NUP188: variants seen among roughly 807,000 people sequenced by gnomAD.
NUP188 encodes the protein nucleoporin NUP188.
Under a neutral mutation model 223.0 loss-of-function variants are expected in NUP188, and 97 were observed. The ratio of observed to expected loss-of-function variants is 0.43; its 90% CI spans 0.37 to 0.51. The LOEUF is 0.51. NUP188 is among the 20% of genes least tolerant of loss of function. The pLI, the probability that NUP188 is intolerant of heterozygous loss-of-function variation, is 0.00. For synonymous variants in NUP188, 869 were observed against 828.0 expected (o/e 1.05, Z -0.85); for missense variants, 1,947 against 2,175.6 (o/e 0.89, Z 2.09).
chr9:128,962,317 C>T (rs1288678817), intron 8 of NUP188, among the ~76,000 whole-genome samples: 1 of 149,134 alleles, frequency 6.7e-6, no homozygotes, highest in Non-Finnish European at 1.5e-5. Flanking sequence ...GGCACGATCT[C>T]GGCTCTCTGC....
chr9:129,004,290 A>G lies in NUP188; in HGVS notation c.4434+836A>G, dbSNP rs541277884. 3.0e-3 allele frequency among the ~76,000 whole-genome samples: 462 copies of G among 151,778 alleles called. 1 individual carries two copies. The highest frequency in any genetic ancestry group is 0.011 in the African/African-American group (451 of 41,432). On this transcript the variant is annotated intron_variant, in intron 38 of 43. Coordinates refer to ENST00000372577, the MANE Select transcript of NUP188 (RefSeq NM_015354.3). ...AAGTGAGACTCCGTCTCAAAAAAAA[A>G]AAAAAAAAACTAAACTAAACAAAAC...
intron 10 of NUP188, among the ~76,000 whole-genome samples, chr9:128,970,218 G>A (rs954503803): frequency 1.3e-5 from 2 of 152,180 alleles, no homozygotes; most frequent in African/African-American, 2.4e-5. Flanking sequence ...TTGAGCCACC[G>A]TGCCCGGCCT....
chr9:128,962,451 G>A (rs1484403608), intron 8 of NUP188, among the ~76,000 whole-genome samples: 6 of 151,870 alleles, frequency 4.0e-5, no homozygotes, highest in South Asian at 2.1e-4. Flanking sequence ...GGGTTTCACC[G>A]TGTTAGCCAG....
intron 11 of NUP188, among the ~76,000 whole-genome samples, chr9:128,972,676 G>T (rs547135915): frequency 6.6e-6 from 1 of 152,216 alleles, no homozygotes; most frequent in Non-Finnish European, 1.5e-5. Context: ...TGCTATTTAT[G>T]TGTGGAGGCA....
Position 129,001,592 on chromosome 9 carries a change from T to C in NUP188, c.3907T>C (p.Trp1303Arg). 6 of 1,614,070 alleles carry C rather than the reference T, an allele frequency of 3.7e-6. No homozygotes were observed. Among genetic ancestry groups the C allele is most frequent in the Non-Finnish European group, 5.1e-6 (6 of 1,180,002 alleles). The change falls in exon 35 of 44, where the codon TGG becomes CGG. Residue 1303 changes from tryptophan (W) to arginine (R), a missense_variant. Around this residue, in one of 3 missense-constraint regions of NUP188, gnomAD observed 905 missense variants for 990.6 expected, o/e 0.91. Transcript: ENST00000372577. The stretch of plus-strand genomic sequence containing the variant: ...TGAGGTAGACGAGGATGGTGACTCC[T>C]GGCTGCAGGTAACCCGCAGGCTCCC... Reference protein sequence around the residue: ...LCEVDEDGDSWLQVTRRLPIL... With the variant: ...LCEVDEDGDSRLQVTRRLPIL...
At position 128,959,192 on chromosome 9, in the gene NUP188, G is replaced by A. The variant is rs1841911151; in HGVS notation, c.585+58G>A. 8 of 1,403,096 alleles carry A rather than the reference G, an allele frequency of 5.7e-6. No homozygotes were observed. The South Asian group carries it at 1.2e-4, about 21-fold the overall frequency. 86.9% of individuals were successfully genotyped at this position (1,403,096 alleles called of 1,614,324 possible). On this transcript the variant is annotated intron_variant, in intron 8 of 43. Coordinates refer to ENST00000372577, the MANE Select transcript of NUP188 (RefSeq NM_015354.3). Reference sequence around the variant, plus strand: ...TTTTTTTAAGATGGAGTTTCCCTCTGTCACCCAGGCTGGAGTGCAGTGGCA... The same window carrying A: ...TTTTTTTAAGATGGAGTTTCCCTCTATCACCCAGGCTGGAGTGCAGTGGCA...
In NUP188 at chr9:128,969,491, G is replaced by A. The variant is rs1169808226; in HGVS notation, c.889G>A (p.Ala297Thr). ...TGACAGAAGAGAACTGCATCAGTTTGCGCAGGATGGGCTTATTTGTCAGGT... is the reference window on the plus strand; with the variant it reads ...TGACAGAAGAGAACTGCATCAGTTTACGCAGGATGGGCTTATTTGTCAGGT... ...LDDRRELHQF[A>T]QDGLICQDMD... The change falls in exon 10 of 44, where the codon GCG (alanine) becomes ACG (threonine). Residue 297 changes from alanine (A) to threonine (T), a missense_variant. Physicochemically the swap from Ala to Thr is moderately conservative, Grantham distance 58 (BLOSUM62 0). Around this residue, in one of 3 missense-constraint regions of NUP188, gnomAD observed 817 missense variants for 865.8 expected, o/e 0.94. Coordinates refer to ENST00000372577, the MANE Select transcript of NUP188 (RefSeq NM_015354.3). 1 of 1,579,982 alleles carries A rather than the reference G, an allele frequency of 6.3e-7. No homozygotes were observed. The highest frequency in any genetic ancestry group is 8.6e-7 in the Non-Finnish European group (1 of 1,167,052).
chr9:129,000,480 G>A (rs150945737), intron 34 of NUP188, among the ~76,000 whole-genome samples: 152 of 151,892 alleles, frequency 1.0e-3, no homozygotes, highest in Non-Finnish European at 1.8e-3. Flanking sequence ...CACCACGCCC[G>A]GCTAACTTTT....
intron 19 of NUP188, among the ~76,000 whole-genome samples, chr9:128,983,845 G>C (rs1842291737): frequency 6.6e-6 from 1 of 151,736 alleles, no homozygotes; most frequent in Non-Finnish European, 1.5e-5. Context: ...TTTTGAGATG[G>C]AGTTTCGCTC....
chr9:128,997,365 C>G (rs1419072703), intron 30 of NUP188, among the ~76,000 whole-genome samples: 1 of 152,280 alleles, frequency 6.6e-6, no homozygotes, highest in East Asian at 1.9e-4. Flanking sequence ...GTTTCCCGGG[C>G]ACTGGGAAGC....
At chr9:128,980,795 T>A in intron 14 of NUP188, 70 bp downstream of exon 14, 1 of 1,548,464 alleles carries the variant, frequency 6.5e-7, no homozygotes, top group Non-Finnish European at 8.8e-7. Context: ...GGAATCTTTT[T>A]TGCTTTCCAC....
chr9:128,991,353 G>A (rs1250186400), intron 25 of NUP188, among the ~76,000 whole-genome samples: 1 of 151,784 alleles, frequency 6.6e-6, no homozygotes, highest in Non-Finnish European at 1.5e-5. Context: ...GCGTGGCCAA[G>A]ATGGTGAAAC....
At chr9:128,993,755 C>A in intron 27 of NUP188, 61 bp downstream of exon 27, 1 of 1,466,568 alleles carries the variant, frequency 6.8e-7, no homozygotes, top group Non-Finnish European at 9.4e-7. Context: ...GTAATAATAG[C>A]TCTTATCCCA....
At chr9:128,962,578 C>G (rs568228579) in intron 8 of NUP188, among the ~76,000 whole-genome samples, 1 of 152,074 alleles carries the variant, frequency 6.6e-6, no homozygotes, top group Admixed American at 6.6e-5. Context: ...AAAACTTACA[C>G]CGGGATGGGC....
At position 128,947,756 on chromosome 9, in the gene NUP188, G is replaced by A. The variant is rs1363270753; in HGVS notation, c.32+5G>A. ...CGCCGGCGGGCCGTGTGTGAGGTGC[G>A]GAGCGGGTCGAATGGACCGGGGTGG... On this transcript the variant is annotated splice_donor_5th_base_variant and intron_variant, in intron 1 of 43. Transcript: ENST00000372577. 4.1e-6 allele frequency: 6 copies of A among 1,459,688 alleles called. No homozygotes were observed. In the East Asian group the frequency reaches 1.3e-4, roughly 33 times the overall value. The allele number at this position is 1,459,688 out of a possible 1,614,324, so 90.4% of individuals were successfully genotyped here.
rs1436931410 is a variant in NUP188, at chr9:129,002,908, C to G, written c.4229C>G (p.Thr1410Ser). Residue 1410 changes from threonine to serine, a missense_variant, in exon 37 of 44, where the codon ACT becomes AGT. By Grantham distance (58) the Thr-to-Ser change is moderately conservative. Around this residue, in one of 3 missense-constraint regions of NUP188, gnomAD observed 905 missense variants for 990.6 expected, o/e 0.91. Transcript: ENST00000372577. ...TCCCTGATGGAGCAGCTGCTCAAAA[C>G]TCTGCGCTACAACTTCCTGCCTGAG... is the stretch of plus-strand genomic sequence containing the variant. ...SMSLMEQLLKTLRYNFLPEAL... is the reference protein window; with the variant it reads ...SMSLMEQLLKSLRYNFLPEAL... The G allele has an allele frequency of 6.2e-7, 1 of 1,614,232 alleles. No individual in the cohort carries two copies. The highest frequency in any genetic ancestry group is 1.1e-5 in the South Asian group (1 of 91,086).
chr9:128,981,142 C>G, intron 14 of NUP188, 122 bp from the exon 15 acceptor site: 1 of 1,229,534 alleles, frequency 8.1e-7, no homozygotes, highest in Non-Finnish European at 1.1e-6. Flanking sequence ...AAGGCAGTTC[C>G]AAGAACAGTC....
chr9:128,992,678 C>T (rs547935044), intron 25 of NUP188, among the ~76,000 whole-genome samples: 15 of 152,156 alleles, frequency 9.9e-5, no homozygotes, highest in Non-Finnish European at 1.9e-4. Flanking sequence ...TGGATGCATC[C>T]TGATTTATTT....
At chr9:128,951,201 G>A (rs1031199468) in intron 2 of NUP188, among the ~76,000 whole-genome samples, 3 of 151,908 alleles carry the variant, frequency 2.0e-5, no homozygotes, top group Non-Finnish European at 4.4e-5. Context: ...CCAGCTACTC[G>A]GGAGGCTGAG....
Sources: allele counts gnomAD v4.1 joint callset (sites outside exome capture counted in the v4.1 genomes callset), GRCh38; gene constraint gnomAD v4.1.1; regional missense constraint gnomAD v4.1.1; transcripts MANE v1.5; gene names NCBI Gene and HGNC (gene_info 2026-07-23, HGNC 2026-07-21).